RNF2: variants seen among roughly 807,000 people sequenced by gnomAD.
RNF2 encodes ring finger protein 2.
RNF2 carries 6 observed loss-of-function variants against 37.2 expected under a neutral mutation model. The ratio of observed to expected loss-of-function variants is 0.16; its 90% CI spans 0.09 to 0.32. The LOEUF (loss-of-function observed/expected upper bound fraction) is 0.32. Ranked by LOEUF, RNF2 falls within the 10% of genes least tolerant of loss-of-function variation. RNF2 has a pLI of 1.00. For missense variants in RNF2, 251 were observed against 404.0 expected, an observed-to-expected ratio of 0.62 and a Z score of 3.25; for synonymous variants, 133 against 132.7, an observed-to-expected ratio of 1.00 and a Z score of -0.02.
intron 1 of RNF2, among the ~76,000 whole-genome samples, chr1:185,057,816 A>AC (rs1434688145): frequency 4.6e-5 from 7 of 152,160 alleles, no homozygotes; most frequent in African/African-American, 1.7e-4. Context: ...AAAAAAAAAA[A>AC]AAACAGTAAA....
chr1:185,063,398 A>G (rs942364612), intron 1 of RNF2, among the ~76,000 whole-genome samples: 3 of 152,310 alleles, frequency 2.0e-5, no homozygotes, highest in East Asian at 3.9e-4. Context: ...GATTCCTTAT[A>G]TATAGCCAGA....
intron 1 of RNF2, among the ~76,000 whole-genome samples, chr1:185,085,704 A>G (rs1254518031): frequency 6.6e-6 from 1 of 151,268 alleles, no homozygotes; most frequent in East Asian, 1.9e-4. Flanking sequence ...CCCAGGCTGG[A>G]GTGCAATGGC....
intron 1 of RNF2, among the ~76,000 whole-genome samples, chr1:185,085,121 C>CATA (rs1401183447): frequency 6.7e-6 from 1 of 149,268 alleles, no homozygotes; most frequent in Non-Finnish European, 1.5e-5. Flanking sequence ...TTCTCAGAGC[C>CATA]ATATTTGACC....
chr1:185,071,925 C>T (rs560186137), intron 1 of RNF2: 5 of 152,518 alleles, frequency 3.3e-5, no homozygotes, highest in Non-Finnish European at 5.9e-5. Flanking sequence ...TTTCTCTCCT[C>T]ATGACATTGG....
chr1:185,094,124 G>A (rs1403935248), intron 4 of RNF2, among the ~76,000 whole-genome samples: 2 of 151,338 alleles, frequency 1.3e-5, no homozygotes, highest in Non-Finnish European at 2.9e-5. Flanking sequence ...CAAAAACTTT[G>A]GAGTCAGTTT....
At chr1:185,055,327 A>G (rs1368901859) in intron 1 of RNF2, among the ~76,000 whole-genome samples, 1 of 152,198 alleles carries the variant, frequency 6.6e-6, no homozygotes, top group Non-Finnish European at 1.5e-5. Context: ...CATCATGTCC[A>G]TGTCCAAAAA....
rs77127258 is a variant in RNF2 at position 185,062,453 on chromosome 1, T to C, written c.-3+16804T>C. The stretch of plus-strand genomic sequence containing the variant: ...AATTAGAAGATAGCATGCTAACTTA[T>C]CAGTGGAGAAGAGAGAACTAAACAA... On this transcript the variant is annotated intron_variant, in intron 1 of 6. Coordinates refer to ENST00000367510, the MANE Select transcript of RNF2 (RefSeq NM_007212.4). Among the ~76,000 whole-genome samples the C allele has an allele frequency of 5.5e-3, 833 of 152,228 alleles. 30 individuals carry two copies. The East Asian group carries it at 0.084, about 15-fold the overall frequency.
intron 2 of RNF2, among the ~76,000 whole-genome samples, chr1:185,087,980 T>C (rs532202492): frequency 6.6e-6 from 1 of 152,304 alleles, no homozygotes; most frequent in East Asian, 1.9e-4. Flanking sequence ...TAAGTACTGA[T>C]AAGGCACCAA....
rs547198970 is a variant in RNF2, at chr1:185,062,628, T to A, written c.-3+16979T>A. On this transcript the variant is annotated intron_variant, in intron 1 of 6. Transcript: ENST00000367510. ...AAGATGCCATAGAAGAAAAGTACAT[T>A]AAAAATATATAAAAGATAAAAGTTA... Among the ~76,000 whole-genome samples, 51 of 151,996 alleles carry A rather than the reference T, an allele frequency of 3.4e-4. No individual in the cohort carries two copies. The East Asian group carries it at 8.3e-3, about 25-fold the overall frequency.
rs560493915 is a variant in RNF2, at chr1:185,085,314, A to G, written c.-2-2238A>G. ...CAGGCGCCCGCCACCGTGCCCAGCTAATTTTTTGTATTTTTAGTAGAGACG... is the reference window on the plus strand; with the variant it reads ...CAGGCGCCCGCCACCGTGCCCAGCTGATTTTTTGTATTTTTAGTAGAGACG... On this transcript the variant is annotated intron_variant, in intron 1 of 6. Coordinates refer to ENST00000367510, the MANE Select transcript of RNF2 (RefSeq NM_007212.4). Among the ~76,000 whole-genome samples, 6 of 151,416 alleles carry G rather than the reference A, an allele frequency of 4.0e-5. No homozygotes were observed. The East Asian group carries it at 1.2e-3, about 30-fold the overall frequency.
intron 1 of RNF2, among the ~76,000 whole-genome samples, chr1:185,068,362 G>T (rs1650862928): frequency 6.6e-6 from 1 of 152,168 alleles, no homozygotes; most frequent in Non-Finnish European, 1.5e-5. Flanking sequence ...TTTGAAAAAG[G>T]TTCTTTGCAT....
intron 1 of RNF2, among the ~76,000 whole-genome samples, chr1:185,051,621 T>A (rs944752744): frequency 6.6e-6 from 1 of 152,040 alleles, no homozygotes; most frequent in Admixed American, 6.6e-5. Flanking sequence ...AGTTTCTATA[T>A]TTAAAAAAGT....
chr1:185,076,370 A>G (rs1284682006), intron 1 of RNF2, among the ~76,000 whole-genome samples: 1 of 134,126 alleles, frequency 7.5e-6, no homozygotes, highest in Non-Finnish European at 1.5e-5. Context: ...GGCTCACTGC[A>G]ACCTCCGTCT....
Position 185,093,229 on chromosome 1 carries a change from A to T in RNF2, c.417A>T (p.Ala139=). 5 of 1,614,034 alleles carry T rather than the reference A, an allele frequency of 3.1e-6. No homozygotes were observed. Among genetic ancestry groups the T allele is most frequent in the Non-Finnish European group, 4.2e-6 (5 of 1,179,972 alleles). Residue 139 remains alanine (A), a synonymous_variant, in exon 4 of 7, where the codon GCA becomes GCT. Transcript: ENST00000367510. Reference sequence around the variant, plus strand: ...TCAACAAGCACAATAATCAGCAAGCACTCAGTCACAGCATTGAGGAAGGAC... The same window carrying T: ...TCAACAAGCACAATAATCAGCAAGCTCTCAGTCACAGCATTGAGGAAGGAC... ...ARINKHNNQQ[A]LSHSIEEGLK...
intron 1 of RNF2, chr1:185,071,437 G>C (rs1650970020): frequency 6.6e-6 from 1 of 152,192 alleles, no homozygotes; most frequent in Non-Finnish European, 1.5e-5. Flanking sequence ...ATATGTCTTG[G>C]TTGTGAAATT....
At chr1:185,079,931 A>G (rs1407437932) in intron 1 of RNF2, among the ~76,000 whole-genome samples, 1 of 146,344 alleles carries the variant, frequency 6.8e-6, no homozygotes, top group South Asian at 2.1e-4. Flanking sequence ...ACTGTCTCAG[A>G]AAAAAAAAAA....
chr1:185,053,914 G>T (rs1026000044), intron 1 of RNF2, among the ~76,000 whole-genome samples: 1 of 151,978 alleles, frequency 6.6e-6, no homozygotes, highest in Non-Finnish European at 1.5e-5. Flanking sequence ...CTACCTAGAT[G>T]TAGCTCATTC....
chr1:185,082,364 T>TTTTTTTTTTG (rs1173750596), intron 1 of RNF2, among the ~76,000 whole-genome samples: 3 of 114,888 alleles, frequency 2.6e-5, no homozygotes, highest in Non-Finnish European at 5.7e-5. Flanking sequence ...TTTTTTTTTT[T>TTTTTTTTTTG]TTTGAAGACA....
chr1:185,096,372 C>A (rs1053806173), intron 4 of RNF2, among the ~76,000 whole-genome samples: 2 of 152,084 alleles, frequency 1.3e-5, no homozygotes, highest in Admixed American at 6.5e-5. Context: ...TGAACACTCA[C>A]AATGTTGTGC....
Sources: allele counts gnomAD v4.1 joint callset (sites outside exome capture counted in the v4.1 genomes callset), GRCh38; gene constraint gnomAD v4.1.1; transcripts MANE v1.5; gene names NCBI Gene and HGNC (gene_info 2026-07-23, HGNC 2026-07-21).